PXK: variants seen among roughly 807,000 people sequenced by gnomAD.
PXK encodes the protein PX domain-containing protein kinase-like protein.
Under a neutral mutation model 84.7 loss-of-function variants are expected in PXK, and 35 were observed. The ratio of observed to expected loss-of-function variants is 0.41; its 90% CI spans 0.32 to 0.55. The LOEUF (loss-of-function observed/expected upper bound fraction) is 0.55, where lower values mean the gene tolerates loss of function less well. Ranked by LOEUF, PXK falls within the 20% of genes least tolerant of loss-of-function variation. The pLI is 0.21. For synonymous variants in PXK, 253 were observed against 260.8 expected (o/e 0.97, Z 0.29); for missense variants, 634 against 699.7 (o/e 0.91, Z 1.06).
rs1230695160 is a variant in PXK, at chr3:58,424,917, G to A, written c.1694G>A (p.Arg565Lys). 3 of 1,614,042 alleles carry A rather than the reference G, an allele frequency of 1.9e-6. No individual in the cohort carries two copies. Among genetic ancestry groups the A allele is most frequent in the Non-Finnish European group, 2.5e-6 (3 of 1,180,050 alleles). The change falls in exon 18 of 18, where the codon AGG becomes AAG. Residue 565 changes from arginine (R) to lysine (K), a missense_variant. Around this residue, in one of 3 missense-constraint regions of PXK, gnomAD observed 273 missense variants for 283.6 expected, o/e 0.96. Transcript: ENST00000356151. ...CAGAATTTCCAAAAAGGAACTTTGA[G>A]GAAAGCCAAAACCTGTGATCACAGT... ...SIQNFQKGTL[R>K]KAKTCDHSAP...
chr3:58,422,822 A>T (rs1364730390), intron 17 of PXK: 4 of 985,230 alleles, frequency 4.1e-6, no homozygotes, highest in Middle Eastern at 5.2e-4. Flanking sequence ...GCCAGTGCTG[A>T]GCCTTTAGTA....
Position 58,424,895 on chromosome 3 carries a change from A to C in PXK, c.1672A>C (p.Asn558His). Residue 558 changes from asparagine to histidine, a missense_variant, in exon 18 of 18, where the codon AAT becomes CAT. Transcript: ENST00000356151. ...SRGALLSSIQNFQKGTLRKAK... is the reference protein window; with the variant it reads ...SRGALLSSIQHFQKGTLRKAK... ...AGGGGCCTTGCTCAGCTCCATCCAG[A>C]ATTTCCAAAAAGGAACTTTGAGGAA... The C allele has an allele frequency of 6.2e-7, 1 of 1,614,178 alleles. No individual in the cohort carries two copies. The highest frequency in any genetic ancestry group is 8.5e-7 in the Non-Finnish European group (1 of 1,180,030).
chr3:58,421,512 G>T lies in PXK; in HGVS notation c.1529-3240G>T. ...AGAGAATCACTTGAACCCGGGAGGC[G>T]GAGCTTGCAGTGAGCCGAGATCGCG... On this transcript the variant is annotated intron_variant, in intron 17 of 17. Coordinates refer to ENST00000356151, the MANE Select transcript of PXK (RefSeq NM_017771.5). This position sits in a 1 kb window ranked among gnomAD's most constrained non-coding sequence, Gnocchi z 5.5. The T allele has an allele frequency of 1.1e-6, 1 of 890,726 alleles. No homozygotes were observed. Among genetic ancestry groups the T allele is most frequent in the African/African-American group, 1.8e-5 (1 of 55,154 alleles). The allele number at this position is 890,726 out of a possible 1,614,324, so 55.2% of individuals were successfully genotyped here. A position where few individuals can be genotyped will look rare whatever the true frequency, so the allele number is the denominator to read the frequency against.
At chr3:58,380,977 G>A (rs186994012) in intron 3 of PXK, among the ~76,000 whole-genome samples, 51 of 151,606 alleles carry the variant, frequency 3.4e-4, no homozygotes, top group African/African-American at 1.1e-3. Flanking sequence ...GGCCAGGCGC[G>A]GTGGCTCACG....
chr3:58,419,405 C>A (rs1211453623), intron 17 of PXK, among the ~76,000 whole-genome samples: 1 of 152,260 alleles, frequency 6.6e-6, no homozygotes, highest in Non-Finnish European at 1.5e-5. Context: ...GCGCCCACCA[C>A]CATGCCCAGC....
At chr3:58,350,691 C>A (rs1305388943) in intron 1 of PXK, among the ~76,000 whole-genome samples, 1 of 152,164 alleles carries the variant, frequency 6.6e-6, no homozygotes, top group Non-Finnish European at 1.5e-5. Context: ...CGCCTCCCTT[C>A]AGACATTGTT....
At position 58,395,107 on chromosome 3, in the gene PXK, C is replaced by T. The variant is rs182401452; in HGVS notation, c.720+5C>T. ...TTGAAGGATCTGATCTACAAGGTAC[C>T]TGTGCAAGTTCATGGTCATAAGGAA... On this transcript the variant is annotated splice_donor_5th_base_variant and intron_variant, in intron 8 of 17. Transcript: ENST00000356151. The T allele has an allele frequency of 6.3e-6, 10 of 1,591,032 alleles. No individual in the cohort carries two copies. The Admixed American group carries it at 1.7e-4, about 27-fold the overall frequency.
intron 1 of PXK, among the ~76,000 whole-genome samples, chr3:58,358,077 A>G (rs1575944657): frequency 6.6e-6 from 1 of 152,260 alleles, no homozygotes; most frequent in Admixed American, 6.5e-5. Flanking sequence ...GTGCATAACT[A>G]TATATACTTT....
At chr3:58,336,128 C>A (rs1384238044) in intron 1 of PXK, among the ~76,000 whole-genome samples, 2 of 132,002 alleles carry the variant, frequency 1.5e-5, no homozygotes, top group Non-Finnish European at 3.1e-5. Flanking sequence ...CCAGGCTGGT[C>A]TTGAACTCCT....
At chr3:58,352,190 G>T (rs556030823) in intron 1 of PXK, among the ~76,000 whole-genome samples, 1 of 152,324 alleles carries the variant, frequency 6.6e-6, no homozygotes, top group African/African-American at 2.4e-5. Flanking sequence ...ACAGTGACCA[G>T]CTCCTCCTTC....
At chr3:58,354,897 T>C (rs962207929) in intron 1 of PXK, among the ~76,000 whole-genome samples, 4 of 151,802 alleles carry the variant, frequency 2.6e-5, no homozygotes, top group African/African-American at 4.8e-5. Flanking sequence ...GCAGGTGGGA[T>C]CACCTGAGGT....
chr3:58,381,510 G>C (rs182494019), intron 3 of PXK, among the ~76,000 whole-genome samples: 3 of 132,072 alleles, frequency 2.3e-5, no homozygotes, highest in Non-Finnish European at 4.7e-5. Flanking sequence ...ATCTGAATGT[G>C]TTGAGAGAAG....
Position 58,397,574 on chromosome 3 carries a change from G to A in PXK, c.985-31G>A, listed in dbSNP as rs200275175. The A allele has an allele frequency of 3.8e-6, 6 of 1,571,520 alleles. No individual in the cohort carries two copies. In the Admixed American group the frequency reaches 1.0e-4, roughly 26 times the overall value. On this transcript the variant is annotated intron_variant, in intron 10 of 17. Transcript: ENST00000356151. The surrounding 1 kb of genome is among the most constrained non-coding windows in gnomAD (Gnocchi z 4.7). The stretch of plus-strand genomic sequence containing the variant: ...GAGGGTCCACAAAGCCAAAGTGAAG[G>A]GTGAACACGCTGCTACTCTTTCTTC...
chr3:58,420,383 G>A (rs991823713), intron 17 of PXK, among the ~76,000 whole-genome samples: 5 of 152,204 alleles, frequency 3.3e-5, no homozygotes, highest in African/African-American at 4.8e-5. Flanking sequence ...CAGTGCTGTG[G>A]TTAATTTGAG....
At chr3:58,359,394 G>A (rs893827905) in intron 1 of PXK, among the ~76,000 whole-genome samples, 2 of 151,926 alleles carry the variant, frequency 1.3e-5, no homozygotes, top group African/African-American at 4.8e-5. Context: ...GCCAGGCATG[G>A]TGGTGCGTGC....
At chr3:58,336,065 ATATATATTTTTTT>A (rs1376766740) in intron 1 of PXK, among the ~76,000 whole-genome samples, 2 of 57,156 alleles carry the variant, frequency 3.5e-5, no homozygotes, top group Admixed American at 1.8e-4. Context: ...ATATATATAT[ATATATATTTTTTT>A]TTTTTTTTTT....
rs2098521417 is a variant in PXK, at chr3:58,383,243, G to A, written c.388+543G>A. ...GGAGGTGGAGGTTGCAGTGAGCCGAGATAGCACCACTGCACTCTAGCCTAG... is the reference window on the plus strand; with the variant it reads ...GGAGGTGGAGGTTGCAGTGAGCCGAAATAGCACCACTGCACTCTAGCCTAG... On this transcript the variant is annotated intron_variant, in intron 4 of 17. Transcript: ENST00000356151. The surrounding 1 kb of genome is among the most constrained non-coding windows in gnomAD (Gnocchi z 4.0). Among the ~76,000 whole-genome samples the A allele has an allele frequency of 1.3e-5, 2 of 152,100 alleles. No individual in the cohort carries two copies. The highest frequency in any genetic ancestry group is 1.5e-5 in the Non-Finnish European group (1 of 68,024).
At position 58,379,849 on chromosome 3, in the gene PXK, A is replaced by C. The variant is rs534190994; in HGVS notation, c.202-2665A>C. 6.6e-6 allele frequency among the ~76,000 whole-genome samples: 1 copy of C among 152,060 alleles called. No homozygotes were observed. Among genetic ancestry groups the C allele is most frequent in the African/African-American group, 2.4e-5 (1 of 41,404 alleles). On this transcript the variant is annotated intron_variant, in intron 3 of 17. Coordinates refer to ENST00000356151, the MANE Select transcript of PXK (RefSeq NM_017771.5). This position sits in a 1 kb window ranked among gnomAD's most constrained non-coding sequence, Gnocchi z 5.1. The stretch of plus-strand genomic sequence containing the variant: ...GGTGCACATCTGTAGTCCCAGCTAC[A>C]GGTGTGTACCACTTGTAGAGGCTGA...
chr3:58,393,346 CA>C (rs1326525598), intron 7 of PXK, among the ~76,000 whole-genome samples: 2 of 149,166 alleles, frequency 1.3e-5, no homozygotes, highest in Non-Finnish European at 1.5e-5. Context: ...GACTCCGTCT[CA>C]AAAAAAAAGA....
Sources: allele counts gnomAD v4.1 joint callset (sites outside exome capture counted in the v4.1 genomes callset), GRCh38; gene constraint gnomAD v4.1.1; regional missense constraint gnomAD v4.1.1; non-coding constraint Gnocchi (gnomAD v3.1); transcripts MANE v1.5; gene names NCBI Gene and HGNC (gene_info 2026-07-23, HGNC 2026-07-21).